Variants in STK32B observed in about 807,000 individuals in gnomAD.
STK32B encodes the protein serine/threonine kinase 32B, also known as serine/threonine-protein kinase 32B.
A neutral mutation model predicts 52.6 loss-of-function variants in STK32B; 43 were observed. That is an observed-to-expected ratio of 0.82 (90% CI 0.64 to 1.05). The LOEUF is 1.05. Among genes scored for constraint, STK32B ranks in the 50% least tolerant of loss-of-function variants. The pLI, the probability that STK32B is intolerant of heterozygous loss-of-function variation, is 0.00. For missense variants in STK32B, 621 were observed against 534.6 expected, an observed-to-expected ratio of 1.16 and a Z score of -1.59; for synonymous variants, 238 against 204.3, an observed-to-expected ratio of 1.17 and a Z score of -1.41.
intron 3 of STK32B, among the ~76,000 whole-genome samples, chr4:5,230,853 A>G (rs1257510318): frequency 4.6e-5 from 7 of 152,210 alleles, no homozygotes; most frequent in African/African-American, 1.4e-4. Context: ...AGAGAATAAG[A>G]TGAGAAAAGT....
At chr4:5,465,784 G>A (rs111808419) in intron 9 of STK32B, among the ~76,000 whole-genome samples, 1 of 152,160 alleles carries the variant, frequency 6.6e-6, no homozygotes, top group African/African-American at 2.4e-5. Context: ...GCTGTGCCTC[G>A]CCTCTCTCCT....
intron 3 of STK32B, among the ~76,000 whole-genome samples, chr4:5,183,618 A>G (rs1720521374): frequency 6.6e-6 from 1 of 152,232 alleles, no homozygotes; most frequent in Non-Finnish European, 1.5e-5. Flanking sequence ...GAGCATTCAG[A>G]ACACACACAA....
At chr4:5,194,736 A>C (rs1029186160) in intron 3 of STK32B, among the ~76,000 whole-genome samples, 1 of 152,190 alleles carries the variant, frequency 6.6e-6, no homozygotes, top group Non-Finnish European at 1.5e-5. Context: ...CTGCACAGAA[A>C]CTGTAGCTGC....
chr4:5,129,338 C>T lies in STK32B; in HGVS notation c.53-10567C>T, dbSNP rs192370343. Among the ~76,000 whole-genome samples the T allele has an allele frequency of 1.3e-3, 197 of 152,336 alleles. 1 individual carries two copies. Among genetic ancestry groups the T allele is most frequent in the African/African-American group, 4.5e-3 (188 of 41,572 alleles). ...AACCTAGGTCTGTTAACGTCCAAAG[C>T]TGTTTTCTTCCCTCCACCTTCCTCA... is the stretch of plus-strand genomic sequence containing the variant. On this transcript the variant is annotated intron_variant, in intron 1 of 11. Coordinates refer to ENST00000282908, the MANE Select transcript of STK32B (RefSeq NM_018401.3).
At position 5,316,343 on chromosome 4, in the gene STK32B, A is replaced by G. The variant is rs1363170980; in HGVS notation, c.261-14877A>G. Among the ~76,000 whole-genome samples the G allele has an allele frequency of 4.3e-5, 2 of 46,218 alleles. 1 individual carries two copies. The highest frequency in any genetic ancestry group is 3.6e-4 in the African/African-American group (2 of 5,580). The allele number at this position is 46,218 out of a possible 152,430, so 30.3% of individuals were successfully genotyped here. ...TTATATATTATATACAATATAATAT[A>G]TTATATCATATATTATATATATTAT... On this transcript the variant is annotated intron_variant, in intron 3 of 11. Coordinates refer to ENST00000282908, the MANE Select transcript of STK32B (RefSeq NM_018401.3).
intron 2 of STK32B, chr4:5,140,297 T>C: frequency 3.0e-6 from 4 of 1,331,516 alleles, no homozygotes; most frequent in African/African-American, 1.5e-5. Context: ...CATAGACGTT[T>C]GTTGTTTTGG....
At chr4:5,247,824 T>C (rs1725573171) in intron 3 of STK32B, among the ~76,000 whole-genome samples, 1 of 152,202 alleles carries the variant, frequency 6.6e-6, no homozygotes, top group African/African-American at 2.4e-5. Flanking sequence ...TTGTTTCTTT[T>C]TCCCATACTG....
chr4:5,332,411 G>C (rs1732323729), intron 4 of STK32B, among the ~76,000 whole-genome samples: 1 of 152,206 alleles, frequency 6.6e-6, no homozygotes, highest in African/African-American at 2.4e-5. Context: ...GGCAGCACCT[G>C]GTATCTATGG....
chr4:5,321,094 G>A (rs1560317694), intron 3 of STK32B, among the ~76,000 whole-genome samples: 1 of 152,148 alleles, frequency 6.6e-6, no homozygotes, highest in African/African-American at 2.4e-5. Context: ...ATTTCAGAGG[G>A]AGGGGGTTGG....
chr4:5,152,174 A>G (rs571315293), intron 2 of STK32B, among the ~76,000 whole-genome samples: 2 of 152,350 alleles, frequency 1.3e-5, no homozygotes, highest in South Asian at 4.1e-4. Context: ...TTATCTGTAG[A>G]AGAAAAGAAT....
At chr4:5,183,721 G>A (rs911217621) in intron 3 of STK32B, among the ~76,000 whole-genome samples, 4 of 152,288 alleles carry the variant, frequency 2.6e-5, no homozygotes, top group South Asian at 2.1e-4. Flanking sequence ...GTCAATGACC[G>A]TAGCAAGATA....
intron 1 of STK32B, among the ~76,000 whole-genome samples, chr4:5,124,030 G>C (rs1715216005): frequency 6.6e-6 from 1 of 152,084 alleles, no homozygotes; most frequent in Non-Finnish European, 1.5e-5. Flanking sequence ...TTTTATTAGA[G>C]CAGAGGAGAA....
At chr4:5,165,155 C>T (rs913880344) in intron 2 of STK32B, among the ~76,000 whole-genome samples, 1 of 152,182 alleles carries the variant, frequency 6.6e-6, no homozygotes, top group Non-Finnish European at 1.5e-5. Context: ...AGTCAAGGCC[C>T]AGATGATGAA....
At position 5,205,703 on chromosome 4, in the gene STK32B, C is replaced by CGTGT. The variant is rs71169688; in HGVS notation, c.260+37279_260+37282dup. Among the ~76,000 whole-genome samples, 980 of 141,016 alleles carry CGTGT rather than the reference C, an allele frequency of 6.9e-3. 6 individuals are homozygous for CGTGT. Among genetic ancestry groups the CGTGT allele is most frequent in the East Asian group, 0.02 (92 of 4,616 alleles). The allele number at this position is 141,016 out of a possible 152,430, so 92.5% of individuals were successfully genotyped here. On this transcript the variant is annotated intron_variant, in intron 3 of 11. Transcript: ENST00000282908. Reference sequence around the variant, plus strand: ...GACAGTTCTAGACCAGGCGCGCGCGCGTGTGTGTGTGTGTGTGTGTGTGTG... The same window carrying CGTGT: ...GACAGTTCTAGACCAGGCGCGCGCGCGTGTGTGTGTGTGTGTGTGTGTGTGTGTG...
the STK32B span, among the ~76,000 whole-genome samples, chr4:5,045,863 T>C: frequency 6.6e-6 from 1 of 152,176 alleles, no homozygotes; most frequent in Non-Finnish European, 1.5e-5. Flanking sequence ...CAGAGACAAT[T>C]TGACTTCCTC....
intron 8 of STK32B, chr4:5,458,604 T>C (rs2109146337): frequency 6.6e-6 from 1 of 152,398 alleles, no homozygotes; most frequent in Middle Eastern, 3.4e-3. Context: ...GAATTATTAA[T>C]CTGTTAAATT....
chr4:5,095,537 C>G (rs1439575012), intron 1 of STK32B, among the ~76,000 whole-genome samples: 3 of 152,166 alleles, frequency 2.0e-5, no homozygotes, highest in Non-Finnish European at 4.4e-5. Context: ...ATTGCTTGAA[C>G]CTGGAAGGTA....
chr4:5,103,483 T>C (rs1175721185), intron 1 of STK32B, among the ~76,000 whole-genome samples: 2 of 152,236 alleles, frequency 1.3e-5, no homozygotes, highest in Non-Finnish European at 2.9e-5. Context: ...ATGCAGTTCA[T>C]TTAATTTAAC....
At chr4:5,411,634 T>G (rs1445813423) in intron 5 of STK32B, among the ~76,000 whole-genome samples, 1 of 152,196 alleles carries the variant, frequency 6.6e-6, no homozygotes, top group Non-Finnish European at 1.5e-5. Context: ...TAGATTATAG[T>G]ATTCCTGTGG....
Sources: gnomAD v4.1 joint callset for allele counts (sites outside exome capture counted in the v4.1 genomes callset) on GRCh38, gnomAD v4.1.1 for gene constraint, MANE v1.5 for transcripts, NCBI Gene and HGNC (gene_info 2026-07-23, HGNC 2026-07-21) for gene names.